Variants in ANKS1B observed in about 807,000 individuals in gnomAD.
ANKS1B encodes ankyrin repeat and sterile alpha motif domain containing 1B.
In ANKS1B, 36 loss-of-function variants were observed where a neutral mutation model predicts 148.3. The ratio of observed to expected loss-of-function variants is 0.24; its 90% CI spans 0.19 to 0.32. ANKS1B has a LOEUF of 0.32. ANKS1B is among the 10% of genes least tolerant of loss of function. ANKS1B has a pLI of 1.00. For missense variants in ANKS1B, 1,157 were observed against 1,542.6 expected (o/e 0.75, Z 4.19); for synonymous variants, 542 against 560.8 (o/e 0.97, Z 0.47).
At chr12:99,746,050 T>G (rs1415866878) in intron 8 of ANKS1B, among the ~76,000 whole-genome samples, 1 of 152,094 alleles carries the variant, frequency 6.6e-6, no homozygotes, top group Non-Finnish European at 1.5e-5. Flanking sequence ...ACAAAAAGAC[T>G]CAGTTATGTA....
chr12:99,425,316 A>G lies in ANKS1B; in HGVS notation c.1575+18357T>C, dbSNP rs147325020. On this transcript the variant is annotated intron_variant, in intron 11 of 26. Transcript: ENST00000683438. ...TAAATTAGCTTTCAAATAATTTTTAATATTTTTAATATTCTATCTTCCATT... is the reference window on the plus strand; with the variant it reads ...TAAATTAGCTTTCAAATAATTTTTAGTATTTTTAATATTCTATCTTCCATT... Among the ~76,000 whole-genome samples, 467 of 152,038 alleles carry G rather than the reference A, an allele frequency of 3.1e-3. 8 individuals are homozygous for G. The East Asian group carries it at 0.035, about 12-fold the overall frequency.
chr12:99,343,998 C>G (rs2090306369), intron 12 of ANKS1B, among the ~76,000 whole-genome samples: 1 of 152,060 alleles, frequency 6.6e-6, no homozygotes, highest in East Asian at 1.9e-4. Flanking sequence ...ACCCAATTAA[C>G]ACTCAAATAA....
chr12:99,894,315 G>GGGAGGGAGGGAC (rs1466834411), intron 1 of ANKS1B, among the ~76,000 whole-genome samples: 1 of 63,590 alleles, frequency 1.6e-5, no homozygotes, highest in Non-Finnish European at 4.5e-5. Flanking sequence ...GAGGGAGGGA[G>GGGAGGGAGGGAC]GGAGGGAGGG....
chr12:99,051,189 G>A (rs1197426912), intron 17 of ANKS1B, among the ~76,000 whole-genome samples: 3 of 152,182 alleles, frequency 2.0e-5, no homozygotes, highest in South Asian at 2.1e-4. Flanking sequence ...GGGAAAGTGA[G>A]TGCCCAAGCT....
At chr12:99,028,125 A>T (rs1461181555) in intron 17 of ANKS1B, among the ~76,000 whole-genome samples, 1 of 152,240 alleles carries the variant, frequency 6.6e-6, no homozygotes, top group East Asian at 1.9e-4. Flanking sequence ...ATATGAGTGA[A>T]TTAAATATTT....
chr12:99,518,990 T>C (rs890287794), intron 9 of ANKS1B, among the ~76,000 whole-genome samples: 10 of 152,140 alleles, frequency 6.6e-5, no homozygotes, highest in African/African-American at 2.4e-4. Context: ...CCCCTGGTCA[T>C]TTCAGGGCAT....
chr12:99,141,908 TTTTCCCATGGAGCAAGC>T (rs1215866206), intron 15 of ANKS1B, among the ~76,000 whole-genome samples: 1 of 151,998 alleles, frequency 6.6e-6, no homozygotes, highest in Non-Finnish European at 1.5e-5. Flanking sequence ...TGGAGCAAGT[TTTTCCCATGGAGCAAGC>T]TTTCCCATGG....
intron 17 of ANKS1B, among the ~76,000 whole-genome samples, chr12:98,906,263 T>C (rs1470428373): frequency 6.6e-6 from 1 of 152,132 alleles, no homozygotes; most frequent in African/African-American, 2.4e-5. Flanking sequence ...AAAGTGCCCC[T>C]GCAGGTCTGC....
At chr12:99,782,523 C>A (rs2153634450) in intron 4 of ANKS1B, among the ~76,000 whole-genome samples, 1 of 152,304 alleles carries the variant, frequency 6.6e-6, no homozygotes, top group South Asian at 2.1e-4. Flanking sequence ...CATGCCACTG[C>A]ACTCCAACCT....
At chr12:99,610,030 G>C (rs1010764701) in intron 9 of ANKS1B, among the ~76,000 whole-genome samples, 2 of 151,976 alleles carry the variant, frequency 1.3e-5, no homozygotes, top group African/African-American at 4.8e-5. Flanking sequence ...TTGAACACCA[G>C]AGTTACAAGC....
intron 17 of ANKS1B, among the ~76,000 whole-genome samples, chr12:98,845,973 T>TACAC (rs1198079951): frequency 1.4e-5 from 1 of 69,510 alleles, no homozygotes; most frequent in African/African-American, 3.0e-5. Flanking sequence ...TTCATATATA[T>TACAC]ATATATACAC....
intron 17 of ANKS1B, among the ~76,000 whole-genome samples, chr12:98,835,962 G>C (rs931501144): frequency 6.6e-6 from 1 of 152,162 alleles, no homozygotes; most frequent in Non-Finnish European, 1.5e-5. Flanking sequence ...AATATCTCCT[G>C]TAATCCTTAC....
At chr12:99,435,970 AT>A (rs1268520100) in intron 11 of ANKS1B, among the ~76,000 whole-genome samples, 26 of 151,646 alleles carry the variant, frequency 1.7e-4, no homozygotes, top group East Asian at 1.2e-3. Flanking sequence ...CTTCTTTCTC[AT>A]TTTTTTTCCT....
intron 8 of ANKS1B, among the ~76,000 whole-genome samples, chr12:99,660,009 G>T (rs1166915602): frequency 6.6e-6 from 1 of 152,204 alleles, no homozygotes; most frequent in African/African-American, 2.4e-5. Context: ...GGCAATATCA[G>T]AGATGGCAAT....
intron 15 of ANKS1B, among the ~76,000 whole-genome samples, chr12:99,136,832 AT>A (rs971168088): frequency 1.1e-4 from 16 of 151,942 alleles, no homozygotes; most frequent in African/African-American, 3.9e-4. Context: ...GTATTATTTC[AT>A]TTTTTTTAAA....
intron 17 of ANKS1B, among the ~76,000 whole-genome samples, chr12:99,002,967 G>T (rs2099933939): frequency 6.6e-6 from 1 of 152,118 alleles, no homozygotes; most frequent in Non-Finnish European, 1.5e-5. Context: ...ACAGTTTCAA[G>T]TCTTACATTT....
chr12:99,174,634 C>T (rs1601403875), intron 14 of ANKS1B, among the ~76,000 whole-genome samples: 1 of 151,962 alleles, frequency 6.6e-6, no homozygotes, highest in Non-Finnish European at 1.5e-5. Flanking sequence ...CATTTGGAGT[C>T]TGAAAAGGAA....
At chr12:99,249,909 T>TA (rs2074352344) in intron 12 of ANKS1B, among the ~76,000 whole-genome samples, 1 of 152,272 alleles carries the variant, frequency 6.6e-6, no homozygotes, top group African/African-American at 2.4e-5. Flanking sequence ...GGTGACACAT[T>TA]ACCCAGCTGT....
chr12:99,107,101 T>C (rs938612133), intron 15 of ANKS1B, among the ~76,000 whole-genome samples: 1 of 151,794 alleles, frequency 6.6e-6, no homozygotes, highest in Non-Finnish European at 1.5e-5. Flanking sequence ...ACAATTAATA[T>C]AGTGAAAATA....
Sources: allele counts gnomAD v4.1 joint callset (sites outside exome capture counted in the v4.1 genomes callset), GRCh38; gene constraint gnomAD v4.1.1; transcripts MANE v1.5; gene names NCBI Gene and HGNC (gene_info 2026-07-23, HGNC 2026-07-21).